The following ANO2 variants were observed in gnomAD, a reference collection of about 807,000 sequenced individuals.
ANO2 encodes the protein anoctamin-2.
Under a neutral mutation model 124.2 loss-of-function variants are expected in ANO2, and 101 were observed. The observed-to-expected ratio is 0.81, with a 90% CI of 0.69 to 0.96. The LOEUF is 0.96. ANO2 is among the 40% of genes least tolerant of loss of function. The probability of loss-of-function intolerance (pLI) is 0.00; values close to 1 mark genes in which losing one functional copy is unlikely to be tolerated. For synonymous variants in ANO2, 486 were observed against 482.5 expected (o/e 1.01, Z -0.09); for missense variants, 1,293 against 1,274.5 (o/e 1.01, Z -0.22).
Position 5,923,256 on chromosome 12 carries a change from AT to A in ANO2, c.23-453del, listed in dbSNP as rs1555184701. ...CACATACACACACGCATACACACAC[AT>A]ACACACACACACACACACACACGCA... On this transcript the variant is annotated intron_variant, in intron 1 of 24. Coordinates refer to ENST00000682330, the MANE Select transcript of ANO2 (RefSeq NM_001364791.2). Among the ~76,000 whole-genome samples the A allele has an allele frequency of 4.2e-3, 290 of 68,638 alleles. 22 individuals carry two copies. Among genetic ancestry groups the A allele is most frequent in the African/African-American group, 0.013 (265 of 21,090 alleles). 45.0% of individuals were successfully genotyped at this position (68,638 alleles called of 152,430 possible).
intron 7 of ANO2, among the ~76,000 whole-genome samples, chr12:5,812,159 G>A (rs1953410026): frequency 6.8e-6 from 1 of 146,366 alleles, no homozygotes; most frequent in African/African-American, 2.6e-5. Context: ...GGGGAGTGGA[G>A]GGGAGGCAGG....
At chr12:5,892,505 C>T (rs117603936) in intron 3 of ANO2, among the ~76,000 whole-genome samples, 4,373 of 151,946 alleles carry the variant, frequency 0.029, 95 homozygotes, top group Middle Eastern at 0.058. Context: ...GTATTGAAAA[C>T]GACAAAGGAA....
intron 19 of ANO2, among the ~76,000 whole-genome samples, chr12:5,607,224 C>A (rs1404932459): frequency 6.6e-6 from 1 of 152,088 alleles, no homozygotes; most frequent in Non-Finnish European, 1.5e-5. Flanking sequence ...TTGTTCTCTC[C>A]GGTTTCACTC....
intron 20 of ANO2, among the ~76,000 whole-genome samples, chr12:5,590,992 G>C (rs868499117): frequency 3.8e-4 from 58 of 152,082 alleles, no homozygotes; most frequent in African/African-American, 1.3e-3. Flanking sequence ...TTCGAGACCT[G>C]GTCATGGTGA....
In ANO2 at chr12:5,820,706, AG is replaced by A. The variant is rs919673344; in HGVS notation, c.892+7062del. On this transcript the variant is annotated intron_variant, in intron 7 of 24. Coordinates refer to ENST00000682330, the MANE Select transcript of ANO2 (RefSeq NM_001364791.2). ...GCCACCATCAAGGACTGAAAGACACAGGGGTGGTGATTCCCACCACATCCCT... is the reference window on the plus strand; with the variant it reads ...GCCACCATCAAGGACTGAAAGACACAGGGTGGTGATTCCCACCACATCCCT... 3.3e-4 allele frequency among the ~76,000 whole-genome samples: 50 copies of A among 152,336 alleles called. 1 individual carries two copies. Among genetic ancestry groups the A allele is most frequent in the African/African-American group, 1.2e-3 (50 of 41,586 alleles).
In ANO2 at chr12:5,575,942, G is replaced by A. The variant is rs1308609018; in HGVS notation, c.2513C>T (p.Thr838Ile). The A allele has an allele frequency of 4.3e-6, 7 of 1,613,436 alleles. No individual in the cohort carries two copies. Among genetic ancestry groups the A allele is most frequent in the Non-Finnish European group, 5.9e-6 (7 of 1,179,694 alleles). Residue 838 changes from threonine to isoleucine, a missense_variant, in exon 23 of 25, where the codon ACT becomes ATT. By Grantham distance (89) the Thr-to-Ile change is moderately conservative. Transcript: ENST00000682330. ...GGTGTGGTTGACAAAGCCGTGCAGA[G>A]TCCCATTGTGACTGTAGGAGTACTG... The part of the protein sequence containing the change: ...VYQYSYSHNG[T>I]LHGFVNHTLS...
intron 4 of ANO2, among the ~76,000 whole-genome samples, chr12:5,835,376 CTGAACAGTG>C (rs1954284253): frequency 6.6e-6 from 1 of 152,158 alleles, no homozygotes; most frequent in Admixed American, 6.5e-5. Context: ...GTGGAAGACA[CTGAACAGTG>C]TGAACAGTGA....
At chr12:5,802,654 T>C (rs1953077506) in intron 9 of ANO2, among the ~76,000 whole-genome samples, 1 of 152,170 alleles carries the variant, frequency 6.6e-6, no homozygotes, top group Non-Finnish European at 1.5e-5. Context: ...CAGCATGGTG[T>C]GAGTAAAGCA....
intron 1 of ANO2, among the ~76,000 whole-genome samples, chr12:5,933,574 C>G (rs149895336): frequency 6.6e-6 from 1 of 152,138 alleles, no homozygotes. Flanking sequence ...TTCTGATACA[C>G]GTACCCTTTA....
rs547655510 is a variant in ANO2 at position 5,869,756 on chromosome 12, C to T, written c.535-15615G>A. On this transcript the variant is annotated intron_variant, in intron 3 of 24. Coordinates refer to ENST00000682330, the MANE Select transcript of ANO2 (RefSeq NM_001364791.2). ...TGTGACGGGGACTGTCCTCACATAG[C>T]CATGGTGCTGAGAGTGTTTTCTGCA... is the stretch of plus-strand genomic sequence containing the variant. Among the ~76,000 whole-genome samples the T allele has an allele frequency of 2.6e-5, 4 of 152,266 alleles. No homozygotes were observed. In the East Asian group the frequency reaches 7.7e-4, roughly 29 times the overall value.
At chr12:5,901,040 T>C (rs1476657444) in intron 3 of ANO2, among the ~76,000 whole-genome samples, 1 of 152,184 alleles carries the variant, frequency 6.6e-6, no homozygotes, top group Non-Finnish European at 1.5e-5. Flanking sequence ...CTCGTCCCAT[T>C]CCCGACACGC....
At chr12:5,676,803 C>T (rs776977466) in intron 14 of ANO2, among the ~76,000 whole-genome samples, 1 of 152,068 alleles carries the variant, frequency 6.6e-6, no homozygotes, top group Non-Finnish European at 1.5e-5. Context: ...CCTATAATCC[C>T]AGCACTTTGG....
chr12:5,744,349 G>T, intron 11 of ANO2, 32 bp from the exon 12 acceptor site: 1 of 1,612,996 alleles, frequency 6.2e-7, no homozygotes, highest in Admixed American at 1.7e-5. Context: ...GGGTCAGGTG[G>T]AGCTCAAGCA....
intron 4 of ANO2, among the ~76,000 whole-genome samples, chr12:5,840,845 G>A (rs558880619): frequency 6.6e-6 from 1 of 152,072 alleles, no homozygotes; most frequent in African/African-American, 2.4e-5. Context: ...CTGGATCATC[G>A]AAGTTCCATA....
chr12:5,833,539 A>G (rs933404935), intron 4 of ANO2, among the ~76,000 whole-genome samples: 3 of 152,192 alleles, frequency 2.0e-5, no homozygotes, highest in African/African-American at 7.2e-5. Context: ...CCTTTAGAAC[A>G]GGGGTCCCCA....
chr12:5,702,431 G>A (rs1949439936), intron 14 of ANO2, among the ~76,000 whole-genome samples: 1 of 151,968 alleles, frequency 6.6e-6, no homozygotes, highest in Non-Finnish European at 1.5e-5. Context: ...GATTAACAAT[G>A]GATAATATCC....
intron 4 of ANO2, chr12:5,839,553 T>C (rs1484827966): frequency 6.6e-6 from 3 of 455,830 alleles, no homozygotes; most frequent in South Asian, 1.5e-5. Flanking sequence ...GCTCTGAACA[T>C]TTAATGAAAA....
intron 23 of ANO2, among the ~76,000 whole-genome samples, chr12:5,569,279 G>A (rs566992882): frequency 4.7e-4 from 72 of 152,250 alleles, no homozygotes; most frequent in Admixed American, 1.4e-3. Context: ...TGGGGAGCTC[G>A]GGCCTCCCAA....
rs573012407 is a variant in ANO2 at position 5,903,704 on chromosome 12, C to T, written c.534+17336G>A. On this transcript the variant is annotated intron_variant, in intron 3 of 24. Transcript: ENST00000682330. Reference sequence around the variant, plus strand: ...GTGTAGACAGCAAGGTCTGTGCAGACAATTCACAATTATCCAAACTGGCAG... The same window carrying T: ...GTGTAGACAGCAAGGTCTGTGCAGATAATTCACAATTATCCAAACTGGCAG... Among the ~76,000 whole-genome samples, 6 of 151,510 alleles carry T rather than the reference C, an allele frequency of 4.0e-5. No homozygotes were observed. The East Asian group carries it at 1.2e-3, about 30-fold the overall frequency.
Sources: gnomAD v4.1 joint callset for allele counts (sites outside exome capture counted in the v4.1 genomes callset) on GRCh38, gnomAD v4.1.1 for gene constraint, MANE v1.5 for transcripts, NCBI Gene and HGNC (gene_info 2026-07-23, HGNC 2026-07-21) for gene names.